The following HS3ST4 variants were observed in gnomAD, a reference collection of about 807,000 sequenced individuals.
HS3ST4 encodes heparan sulfate glucosamine 3-O-sulfotransferase 4.
In HS3ST4, 17 loss-of-function variants were observed where a neutral mutation model predicts 29.2. The observed-to-expected ratio is 0.58, with a 90% confidence interval of 0.40 to 0.87. HS3ST4 has a LOEUF of 0.87. HS3ST4 is among the 40% of genes least tolerant of loss of function. HS3ST4 has a pLI of 0.00. For missense variants in HS3ST4, 627 were observed against 634.5 expected, an observed-to-expected ratio of 0.99 and a Z score of 0.13; for synonymous variants, 314 against 285.7, an observed-to-expected ratio of 1.10 and a Z score of -1.00.
At chr16:26,087,535 G>A (rs1898804762) in intron 1 of HS3ST4, among the ~76,000 whole-genome samples, 1 of 151,956 alleles carries the variant, frequency 6.6e-6, no homozygotes, top group Non-Finnish European at 1.5e-5. Flanking sequence ...CAGGTCCTCT[G>A]ATTGAAACCC....
At chr16:25,973,183 A>G (rs1398622280) in intron 1 of HS3ST4, among the ~76,000 whole-genome samples, 2 of 152,222 alleles carry the variant, frequency 1.3e-5, no homozygotes, top group African/African-American at 4.8e-5. Flanking sequence ...GGATGTGCAC[A>G]GGGATTAGCA....
chr16:25,969,956 GC>G (rs1317630209), intron 1 of HS3ST4, among the ~76,000 whole-genome samples: 2 of 152,200 alleles, frequency 1.3e-5, no homozygotes, highest in African/African-American at 4.8e-5. Flanking sequence ...TCCAATCCTG[GC>G]CCCAAACACG....
At chr16:25,879,514 C>A (rs1202070295) in intron 1 of HS3ST4, among the ~76,000 whole-genome samples, 1 of 152,138 alleles carries the variant, frequency 6.6e-6, no homozygotes, top group South Asian at 2.1e-4. Flanking sequence ...TTAAAACCAT[C>A]AGATCTCCTG....
At chr16:25,911,902 T>A (rs757976379) in intron 1 of HS3ST4, among the ~76,000 whole-genome samples, 5 of 152,106 alleles carry the variant, frequency 3.3e-5, no homozygotes, top group Admixed American at 1.3e-4. Context: ...AATAAATGTA[T>A]TGAATAAGAG....
At chr16:26,052,257 C>T (rs1475066738) in intron 1 of HS3ST4, among the ~76,000 whole-genome samples, 1 of 152,184 alleles carries the variant, frequency 6.6e-6, no homozygotes, top group Non-Finnish European at 1.5e-5. Flanking sequence ...CCTATTTCTA[C>T]TCGGCTGTCT....
chr16:25,828,301 C>CTTTCTTTCTCTCT (rs1555467593), intron 1 of HS3ST4, among the ~76,000 whole-genome samples: 4 of 32,882 alleles, frequency 1.2e-4, no homozygotes, highest in Admixed American at 3.7e-4. Flanking sequence ...TCTTTCTTTC[C>CTTTCTTTCTCTCT]CTCTCTCTCT....
chr16:25,771,334 AC>A (rs1167001104), intron 1 of HS3ST4, among the ~76,000 whole-genome samples: 1 of 151,970 alleles, frequency 6.6e-6, no homozygotes, highest in Non-Finnish European at 1.5e-5. Flanking sequence ...GTTCTTAGAA[AC>A]TACCATCTGG....
At chr16:25,941,278 G>T (rs1255624467) in intron 1 of HS3ST4, among the ~76,000 whole-genome samples, 1 of 152,068 alleles carries the variant, frequency 6.6e-6, no homozygotes, top group Admixed American at 6.6e-5. Flanking sequence ...CATTTATCCT[G>T]CCTCCTGAGT....
At chr16:25,723,552 T>C (rs1306388051) in intron 1 of HS3ST4, among the ~76,000 whole-genome samples, 4 of 152,128 alleles carry the variant, frequency 2.6e-5, no homozygotes, top group African/African-American at 4.8e-5. Context: ...CCTTTGAAAA[T>C]CACATGTGAT....
chr16:26,135,981 G>A lies in HS3ST4; in HGVS notation c.1104G>A (p.Met368Ile). The A allele has an allele frequency of 3.7e-6, 6 of 1,613,946 alleles. No individual in the cohort carries two copies. The highest frequency in any genetic ancestry group is 5.1e-6 in the Non-Finnish European group (6 of 1,179,870). ...TCATTGTGGACCCCGCCGGGGAAAT[G>A]GCCAAAGTACAGGATTTTCTAGGCC... ...ERLIVDPAGEMAKVQDFLGLK... is the reference protein window; with the variant it reads ...ERLIVDPAGEIAKVQDFLGLK... Residue 368 changes from methionine to isoleucine, a missense_variant, in exon 2 of 2, where the codon ATG (methionine) becomes ATA (isoleucine). Transcript: ENST00000331351.
intron 1 of HS3ST4, among the ~76,000 whole-genome samples, chr16:25,739,355 A>C (rs1183054213): frequency 6.6e-6 from 1 of 152,142 alleles, no homozygotes; most frequent in African/African-American, 2.4e-5. Flanking sequence ...AAACACACAA[A>C]CAAAAGCAAA....
At chr16:25,782,045 C>T (rs747872505) in intron 1 of HS3ST4, among the ~76,000 whole-genome samples, 1 of 152,076 alleles carries the variant, frequency 6.6e-6, no homozygotes, top group Non-Finnish European at 1.5e-5. Flanking sequence ...GGGGAGGCCT[C>T]GGGAAATTTA....
intron 1 of HS3ST4, among the ~76,000 whole-genome samples, chr16:26,096,725 A>G (rs1335545387): frequency 6.6e-6 from 1 of 152,340 alleles, no homozygotes; most frequent in Non-Finnish European, 1.5e-5. Context: ...TATTCAACAT[A>G]GTGTTGGAAG....
At chr16:25,973,464 C>T (rs73521535) in intron 1 of HS3ST4, among the ~76,000 whole-genome samples, 2,300 of 152,250 alleles carry the variant, frequency 0.015, 63 homozygotes, top group African/African-American at 0.053. Flanking sequence ...GAAACCCAAC[C>T]GTTTCTCCTT....
At chr16:25,996,962 G>A (rs1969163897) in intron 1 of HS3ST4, among the ~76,000 whole-genome samples, 1 of 152,010 alleles carries the variant, frequency 6.6e-6, no homozygotes, top group South Asian at 2.1e-4. Flanking sequence ...TGTCTTTGTG[G>A]TTTAATGCAT....
chr16:25,830,897 A>G (rs982842450), intron 1 of HS3ST4, among the ~76,000 whole-genome samples: 4 of 152,118 alleles, frequency 2.6e-5, no homozygotes, highest in African/African-American at 4.8e-5. Flanking sequence ...GAATGTGCCA[A>G]TGCCTTGTGT....
At chr16:25,703,353 T>A (rs1966349983) in intron 1 of HS3ST4, among the ~76,000 whole-genome samples, 1 of 152,158 alleles carries the variant, frequency 6.6e-6, no homozygotes, top group South Asian at 2.1e-4. Flanking sequence ...GTAGATGATA[T>A]TGTATCACGT....
intron 1 of HS3ST4, among the ~76,000 whole-genome samples, chr16:25,752,091 G>A (rs943587985): frequency 1.3e-5 from 2 of 152,026 alleles, no homozygotes; most frequent in Admixed American, 1.3e-4. Context: ...TACAAGTGGA[G>A]ATTGGACTAG....
At chr16:25,805,979 A>G (rs1334388823) in intron 1 of HS3ST4, among the ~76,000 whole-genome samples, 1 of 152,088 alleles carries the variant, frequency 6.6e-6, no homozygotes, top group Non-Finnish European at 1.5e-5. Context: ...TTCCTGCGTT[A>G]GTTTGCTGAG....
Sources: allele counts gnomAD v4.1 joint callset (sites outside exome capture counted in the v4.1 genomes callset), GRCh38; gene constraint gnomAD v4.1.1; transcripts MANE v1.5; gene names NCBI Gene and HGNC (gene_info 2026-07-23, HGNC 2026-07-21).